Variants in GUCY1A1 observed in about 807,000 individuals in gnomAD.
The protein encoded by GUCY1A1 is guanylate cyclase 1 soluble subunit alpha 1.
GUCY1A1 carries 48 observed loss-of-function variants against 64.5 expected under a neutral mutation model. The observed-to-expected ratio is 0.74, with a 90% CI of 0.59 to 0.95. The LOEUF (loss-of-function observed/expected upper bound fraction) is 0.95, where lower values mean the gene tolerates loss of function less well. Ranked by LOEUF, GUCY1A1 falls within the 40% of genes least tolerant of loss-of-function variation. The probability of loss-of-function intolerance (pLI) is 0.00; values close to 1 mark genes in which losing one functional copy is unlikely to be tolerated. For missense variants in GUCY1A1, 804 were observed against 825.3 expected, an observed-to-expected ratio of 0.97 and a Z score of 0.32; for synonymous variants, 308 against 303.4, an observed-to-expected ratio of 1.02 and a Z score of -0.16.
chr4:155,723,517 G>A (rs996238017), intron 9 of GUCY1A1, among the ~76,000 whole-genome samples: 11 of 152,036 alleles, frequency 7.2e-5, no homozygotes, highest in African/African-American at 2.7e-4. Flanking sequence ...AAACTCTTAA[G>A]TAACAAAAGA....
At position 155,710,962 on chromosome 4, in the gene GUCY1A1, T is replaced by C; in HGVS notation, c.797T>C (p.Leu266Pro). The C allele has an allele frequency of 6.2e-7, 1 of 1,613,484 alleles. No individual in the cohort carries two copies. Among genetic ancestry groups the C allele is most frequent in the East Asian group, 2.2e-5 (1 of 44,854 alleles). ...CACATGAAAAGCACCAAGCCATCCC[T>C]GTCCCCCAGCAAACCCCAGTCCTCG... The part of the protein sequence containing the change: ...SVHMKSTKPS[L>P]SPSKPQSSLV... Residue 266 changes from leucine (L) to proline (P), a missense_variant, in exon 6 of 10, where the codon CTG becomes CCG. Coordinates refer to ENST00000506455, the MANE Select transcript of GUCY1A1 (RefSeq NM_001130682.3).
chr4:155,723,632 ATTTATTTATTT>A (rs1383730073), intron 9 of GUCY1A1, among the ~76,000 whole-genome samples: 2 of 1,128 alleles, frequency 1.8e-3, no homozygotes, highest in Non-Finnish European at 3.3e-3. Context: ...TTCTGCATTT[ATTTATTTATTT>A]ATTTATTTAT....
rs1176908193 is a variant in GUCY1A1 at position 155,722,721 on chromosome 4, GA to G, written c.1871+531del. ...TCTAAAATGACTCACAATACTTAGG[GA>G]ATTGCTATACTTACTATTACAGTTT... On this transcript the variant is annotated intron_variant, in intron 9 of 9. Coordinates refer to ENST00000506455, the MANE Select transcript of GUCY1A1 (RefSeq NM_001130682.3). Among the ~76,000 whole-genome samples, 9 of 152,232 alleles carry G rather than the reference GA, an allele frequency of 5.9e-5. No homozygotes were observed. In the East Asian group the frequency reaches 1.7e-3, roughly 29 times the overall value.
intron 3 of GUCY1A1, among the ~76,000 whole-genome samples, chr4:155,702,133 G>A (rs1421815100): frequency 6.6e-6 from 1 of 152,154 alleles, no homozygotes; most frequent in African/African-American, 2.4e-5. Context: ...CCCTTTTGGA[G>A]CTTCTGTTGT....
intron 2 of GUCY1A1, among the ~76,000 whole-genome samples, chr4:155,678,305 T>G (rs1735239817): frequency 6.6e-6 from 1 of 152,208 alleles, no homozygotes; most frequent in Non-Finnish European, 1.5e-5. Flanking sequence ...ATGCATATCC[T>G]CTGAAAAGGT....
intron 7 of GUCY1A1, among the ~76,000 whole-genome samples, chr4:155,716,422 T>C (rs1733241573): frequency 6.6e-6 from 1 of 152,170 alleles, no homozygotes; most frequent in Non-Finnish European, 1.5e-5. Flanking sequence ...TATCTGCTTT[T>C]TGCAGCCAGC....
intron 2 of GUCY1A1, among the ~76,000 whole-genome samples, chr4:155,692,743 A>G (rs1002717684): frequency 2.6e-5 from 4 of 152,222 alleles, no homozygotes; most frequent in Admixed American, 2.6e-4. Flanking sequence ...TGTTACATGT[A>G]GTAAACAAGA....
chr4:155,679,955 ATTACT>A (rs1735501081), intron 2 of GUCY1A1, among the ~76,000 whole-genome samples: 1 of 152,068 alleles, frequency 6.6e-6, no homozygotes, highest in South Asian at 2.1e-4. Flanking sequence ...CACTTTCTTG[ATTACT>A]TTAACTTTTT....
At chr4:155,726,565 T>C (rs559571228) in intron 9 of GUCY1A1, among the ~76,000 whole-genome samples, 15 of 152,094 alleles carry the variant, frequency 9.9e-5, no homozygotes, top group South Asian at 6.2e-4. Flanking sequence ...ATCTGTTTAA[T>C]ATTGAATGTA....
intron 8 of GUCY1A1, among the ~76,000 whole-genome samples, chr4:155,721,020 T>G (rs557336754): frequency 6.6e-6 from 1 of 152,246 alleles, no homozygotes; most frequent in African/African-American, 2.4e-5. Context: ...TCCTAGCACT[T>G]TGGGAAGTTG....
At chr4:155,699,399 G>T (rs1730807820) in intron 3 of GUCY1A1, among the ~76,000 whole-genome samples, 1 of 152,096 alleles carries the variant, frequency 6.6e-6, no homozygotes, top group Non-Finnish European at 1.5e-5. Flanking sequence ...TGTACTGAAA[G>T]ACTAGGATGC....
intron 2 of GUCY1A1, among the ~76,000 whole-genome samples, chr4:155,678,707 A>C (rs1735294113): frequency 6.6e-6 from 1 of 152,192 alleles, no homozygotes; most frequent in African/African-American, 2.4e-5. Flanking sequence ...TTTCCTGATG[A>C]TTTGTGAATT....
intron 9 of GUCY1A1, among the ~76,000 whole-genome samples, chr4:155,723,436 A>C (rs1734231640): frequency 6.6e-6 from 1 of 152,114 alleles, no homozygotes; most frequent in Non-Finnish European, 1.5e-5. Context: ...ATCCACCTTT[A>C]ACCGGAAAAT....
chr4:155,708,444 T>G (rs1435005376), intron 5 of GUCY1A1, 150 bp downstream of exon 5: 1 of 529,832 alleles, frequency 1.9e-6, no homozygotes, highest in Non-Finnish European at 3.5e-6. Flanking sequence ...TAACTCTTTT[T>G]GATACTATAT....
At position 155,730,200 on chromosome 4, in the gene GUCY1A1, AT is replaced by A. The variant is rs751481702; in HGVS notation, c.2048del (p.Leu683Ter). On this transcript the variant is annotated frameshift_variant, in exon 10 of 10. Coordinates refer to ENST00000506455, the MANE Select transcript of GUCY1A1 (RefSeq NM_001130682.3). LOFTEE classifies it high-confidence loss of function. ...QKKDVEDGNA[N>X]FLGKASGID ...AAAGATGTGGAAGATGGCAATGCCAATTTTTTAGGCAAAGCATCAGGAATAG... is the reference window on the plus strand; with the variant it reads ...AAAGATGTGGAAGATGGCAATGCCAATTTTTAGGCAAAGCATCAGGAATAG... The A allele has an allele frequency of 1.1e-5, 17 of 1,610,544 alleles. No homozygotes were observed. The highest frequency in any genetic ancestry group is 1.3e-5 in the Non-Finnish European group (15 of 1,177,470).
intron 6 of GUCY1A1, among the ~76,000 whole-genome samples, 178 bp from the exon 7 acceptor site, chr4:155,712,920 C>A (rs1732761668): frequency 6.6e-6 from 1 of 152,150 alleles, no homozygotes; most frequent in Non-Finnish European, 1.5e-5. Context: ...ATATACTCTT[C>A]AAACATCTGC....
At chr4:155,672,076 C>A (rs1213950712) in intron 2 of GUCY1A1, among the ~76,000 whole-genome samples, 2 of 148,904 alleles carry the variant, frequency 1.3e-5, no homozygotes, top group African/African-American at 4.9e-5. Context: ...GCACATTCTT[C>A]TGCAAATACA....
At chr4:155,669,506 C>G (rs766915678) in intron 2 of GUCY1A1, among the ~76,000 whole-genome samples, 1 of 151,792 alleles carries the variant, frequency 6.6e-6, no homozygotes. Flanking sequence ...TTATTTATGG[C>G]AATACCAAAA....
At chr4:155,708,002 C>A (rs1189373598) in intron 4 of GUCY1A1, among the ~76,000 whole-genome samples, 1 of 152,026 alleles carries the variant, frequency 6.6e-6, no homozygotes, top group Non-Finnish European at 1.5e-5. Flanking sequence ...CCATGCCCAG[C>A]TAATTTTTGT....
Sources: allele counts gnomAD v4.1 joint callset (sites outside exome capture counted in the v4.1 genomes callset), GRCh38; gene constraint gnomAD v4.1.1; transcripts MANE v1.5; gene names NCBI Gene and HGNC (gene_info 2026-07-23, HGNC 2026-07-21).